Variants in OBI1 observed in about 807,000 individuals in gnomAD.
OBI1 encodes the protein ring finger protein 219.
In OBI1, 59 loss-of-function variants were observed where a neutral mutation model predicts 62.4. The observed-to-expected ratio is 0.95, with a 90% CI of 0.77 to 1.17. The LOEUF (loss-of-function observed/expected upper bound fraction) is 1.17, where lower values mean the gene tolerates loss of function less well. OBI1 is among the 50% of genes most tolerant of loss of function. OBI1 has a pLI of 0.00. For missense variants in OBI1, 875 were observed against 830.9 expected (o/e 1.05, Z -0.65); for synonymous variants, 302 against 292.8 (o/e 1.03, Z -0.32).
In OBI1 at chr13:78,615,846, T is replaced by C; in HGVS notation, c.1915A>G (p.Ile639Val). Residue 639 changes from isoleucine (I) to valine (V), a missense_variant, in exon 6 of 6, where the codon ATC becomes GTC. Ile to Val is a conservative substitution (Grantham distance 29). Transcript: ENST00000282003. ...TGAAACAAGCAGCTTGGGGGTTTGATTTCATTAGTTACTGGACAAGAACTG... is the reference window on the plus strand; with the variant it reads ...TGAAACAAGCAGCTTGGGGGTTTGACTTCATTAGTTACTGGACAAGAACTG... The part of the protein sequence containing the change: ...HSSSCPVTNE[I>V]KPPSCLFQTE... 1.2e-6 allele frequency: 2 copies of C among 1,614,138 alleles called. No homozygotes were observed. The highest frequency in any genetic ancestry group is 1.7e-6 in the Non-Finnish European group (2 of 1,180,004).
In OBI1 at chr13:78,615,274, T is replaced by C. The variant is rs969320539; in HGVS notation, c.*306A>G. 1.2e-5 allele frequency: 3 copies of C among 244,088 alleles called. No homozygotes were observed. The highest frequency in any genetic ancestry group is 2.3e-5 in the Non-Finnish European group (3 of 127,816). The allele number at this position is 244,088 out of a possible 1,614,324, so 15.1% of individuals were successfully genotyped here. A position where few individuals can be genotyped will look rare whatever the true frequency, so the allele number is the denominator to read the frequency against. On this transcript the variant is annotated 3_prime_UTR_variant, in exon 6 of 6. Transcript: ENST00000282003. Reference sequence around the variant, plus strand: ...AATGTATATCCAACCGAGATACATATCAAATTCAGTAAAAAAACAAAACCA... The same window carrying C: ...AATGTATATCCAACCGAGATACATACCAAATTCAGTAAAAAAACAAAACCA...
intron 1 of OBI1, among the ~76,000 whole-genome samples, chr13:78,645,984 TC>T (rs1876370833): frequency 6.6e-6 from 1 of 152,178 alleles, no homozygotes; most frequent in African/African-American, 2.4e-5. Context: ...TTCACATGCA[TC>T]TTTCACCGCC....
chr13:78,620,240 G>T (rs1875464717), intron 5 of OBI1, among the ~76,000 whole-genome samples: 1 of 152,186 alleles, frequency 6.6e-6, no homozygotes, highest in African/African-American at 2.4e-5. Context: ...TACTTCCATA[G>T]AAGAAGGACA....
chr13:78,623,535 A>G (rs1284505385), intron 5 of OBI1, among the ~76,000 whole-genome samples: 1 of 152,226 alleles, frequency 6.6e-6, no homozygotes, highest in Non-Finnish European at 1.5e-5. Context: ...GAAGCTTAAA[A>G]GGGGCTTAGC....
intron 1 of OBI1, among the ~76,000 whole-genome samples, chr13:78,655,386 C>T (rs1397074877): frequency 6.6e-6 from 1 of 152,002 alleles, no homozygotes. Flanking sequence ...ATATGTTATG[C>T]GTAAATCATC....
intron 5 of OBI1, among the ~76,000 whole-genome samples, chr13:78,632,339 T>G: frequency 6.6e-6 from 1 of 151,970 alleles, no homozygotes; most frequent in East Asian, 1.9e-4. Context: ...TGTGGGAAAA[T>G]AAATCTGTTG....
At chr13:78,621,569 G>A (rs9601098) in intron 5 of OBI1, among the ~76,000 whole-genome samples, 54,950 of 152,048 alleles carry the variant, frequency 0.36, 10,259 homozygotes, top group East Asian at 0.37. Flanking sequence ...GTGTAACAAA[G>A]AAATAAACAA....
At chr13:78,620,703 G>A (rs1454413824) in intron 5 of OBI1, 2 of 455,510 alleles carry the variant, frequency 4.4e-6, no homozygotes, top group Admixed American at 2.4e-5. Flanking sequence ...AGAAATGGAA[G>A]TCCTATTGGT....
intron 5 of OBI1, among the ~76,000 whole-genome samples, chr13:78,633,778 TA>T (rs1875927399): frequency 6.6e-6 from 1 of 152,152 alleles, no homozygotes; most frequent in Admixed American, 6.5e-5. Flanking sequence ...GAATAAAAAC[TA>T]CTCCATGGCC....
intron 5 of OBI1, among the ~76,000 whole-genome samples, chr13:78,617,657 G>T (rs1875357664): frequency 6.6e-6 from 1 of 152,040 alleles, no homozygotes; most frequent in African/African-American, 2.4e-5. Flanking sequence ...ACTTATTTGG[G>T]CCCTTTCAAT....
At chr13:78,657,112 TGTA>T (rs1876735697) in intron 1 of OBI1, among the ~76,000 whole-genome samples, 1 of 152,192 alleles carries the variant, frequency 6.6e-6, no homozygotes, top group Non-Finnish European at 1.5e-5. Flanking sequence ...TTTCCTTATC[TGTA>T]ACAGTAGAAA....
intron 5 of OBI1, among the ~76,000 whole-genome samples, chr13:78,619,559 AAT>A (rs1875444187): frequency 6.6e-6 from 1 of 152,054 alleles, no homozygotes; most frequent in African/African-American, 2.4e-5. Flanking sequence ...ATACTCTATA[AAT>A]CTATAATACT....
chr13:78,649,378 C>T (rs1014153948), intron 1 of OBI1, among the ~76,000 whole-genome samples: 1 of 152,118 alleles, frequency 6.6e-6, no homozygotes, highest in Non-Finnish European at 1.5e-5. Flanking sequence ...AGAGAGGCAG[C>T]GGCCAGATAA....
chr13:78,650,481 A>C (rs570966987), intron 1 of OBI1, among the ~76,000 whole-genome samples: 1 of 152,276 alleles, frequency 6.6e-6, no homozygotes, highest in African/African-American at 2.4e-5. Context: ...CATGGCATTA[A>C]CATCTATTCT....
At chr13:78,658,089 G>A (rs559232530) in intron 1 of OBI1, among the ~76,000 whole-genome samples, 1 of 152,294 alleles carries the variant, frequency 6.6e-6, no homozygotes, top group African/African-American at 2.4e-5. Context: ...CAGGCAGATC[G>A]TATTGGCCGG....
intron 5 of OBI1, among the ~76,000 whole-genome samples, chr13:78,629,137 T>G (rs1297856084): frequency 6.6e-6 from 1 of 152,130 alleles, no homozygotes. Context: ...CCAGAGTATC[T>G]AGAGCCTTTA....
At chr13:78,636,986 A>G (rs1876049420) in intron 4 of OBI1, among the ~76,000 whole-genome samples, 1 of 152,208 alleles carries the variant, frequency 6.6e-6, no homozygotes, top group Admixed American at 6.5e-5. Context: ...GATCTTTTCA[A>G]GTTCAAGAAG....
chr13:78,630,433 G>A (rs568020251), intron 5 of OBI1, among the ~76,000 whole-genome samples: 3 of 152,100 alleles, frequency 2.0e-5, no homozygotes, highest in Admixed American at 2.0e-4. Flanking sequence ...TCATGTTTTA[G>A]GATGCATTTC....
chr13:78,656,461 A>G (rs1467015628), intron 1 of OBI1, among the ~76,000 whole-genome samples: 1 of 152,074 alleles, frequency 6.6e-6, no homozygotes, highest in Non-Finnish European at 1.5e-5. Flanking sequence ...GCATGCCTGT[A>G]ATCCCAGCTA....
Sources: gnomAD v4.1 joint callset for allele counts (sites outside exome capture counted in the v4.1 genomes callset) on GRCh38, gnomAD v4.1.1 for gene constraint, MANE v1.5 for transcripts, NCBI Gene and HGNC (gene_info 2026-07-23, HGNC 2026-07-21) for gene names.